ABTB2: variants seen among roughly 807,000 people sequenced by gnomAD.
ABTB2 encodes the protein ankyrin repeat and BTB/POZ domain-containing protein 2.
ABTB2 carries 56 observed loss-of-function variants against 104.1 expected under a neutral mutation model. The ratio of observed to expected loss-of-function variants is 0.54; its 90% CI spans 0.43 to 0.67. The LOEUF (loss-of-function observed/expected upper bound fraction) is 0.67, where lower values mean the gene tolerates loss of function less well. ABTB2 is among the 30% of genes least tolerant of loss of function. The pLI, the probability that ABTB2 is intolerant of heterozygous loss-of-function variation, is 0.00. For missense variants in ABTB2, 1,279 were observed against 1,407.7 expected (o/e 0.91, Z 1.46); for synonymous variants, 606 against 608.2 (o/e 1.00, Z 0.05).
intron 1 of ABTB2, among the ~76,000 whole-genome samples, chr11:34,256,185 C>G (rs1158182687): frequency 1.3e-5 from 2 of 152,034 alleles, no homozygotes; most frequent in Non-Finnish European, 2.9e-5. Context: ...CGGGGGGCAC[C>G]TAGAGACAAA....
At chr11:34,176,841 G>C (rs7950979) in intron 3 of ABTB2, among the ~76,000 whole-genome samples, 74,365 of 151,682 alleles carry the variant, frequency 0.49, 18,907 homozygotes, top group East Asian at 0.91. Context: ...GAGATTCTAT[G>C]GGGGGATCTT....
At chr11:34,302,389 TTCCTATC>T (rs1486929384) in intron 1 of ABTB2, among the ~76,000 whole-genome samples, 3 of 152,240 alleles carry the variant, frequency 2.0e-5, no homozygotes, top group Middle Eastern at 6.3e-3. Context: ...CTCTTACCTC[TTCCTATC>T]TGAAATCCAT....
intron 1 of ABTB2, among the ~76,000 whole-genome samples, chr11:34,346,635 C>T (rs1855335722): frequency 6.6e-6 from 1 of 152,160 alleles, no homozygotes; most frequent in Non-Finnish European, 1.5e-5. Context: ...AAAATGACTG[C>T]ACAGTGTCCA....
At chr11:34,294,868 C>T (rs1854602199) in intron 1 of ABTB2, among the ~76,000 whole-genome samples, 1 of 152,084 alleles carries the variant, frequency 6.6e-6, no homozygotes, top group African/African-American at 2.4e-5. Flanking sequence ...GTGCCCAAAC[C>T]ATGCCCGGCT....
At position 34,331,745 on chromosome 11, in the gene ABTB2, G is replaced by A. The variant is rs116711065; in HGVS notation, c.883+24956C>T. 1.5e-3 allele frequency among the ~76,000 whole-genome samples: 233 copies of A among 152,340 alleles called. 2 individuals are homozygous for A. Among genetic ancestry groups the A allele is most frequent in the African/African-American group, 5.4e-3 (224 of 41,584 alleles). On this transcript the variant is annotated intron_variant, in intron 1 of 16. Coordinates refer to ENST00000435224, the MANE Select transcript of ABTB2 (RefSeq NM_145804.3). ...GAAGTGATAATCTTTTGCAGAGCCA[G>A]AAGATCTATGTATTCAAGTTTACAT...
intron 1 of ABTB2, chr11:34,335,373 A>G: frequency 1.2e-6 from 1 of 866,218 alleles, no homozygotes; most frequent in Non-Finnish European, 2.0e-6. Flanking sequence ...AGTACAGCAA[A>G]TTTCCTTAGC....
At chr11:34,278,050 G>A (rs1236180324) in intron 1 of ABTB2, among the ~76,000 whole-genome samples, 5 of 151,742 alleles carry the variant, frequency 3.3e-5, no homozygotes, top group Admixed American at 1.3e-4. Context: ...TGATCTGCCC[G>A]CCTCGCCCTG....
intron 9 of ABTB2, 134 bp from the exon 10 acceptor site, chr11:34,162,939 C>G (rs946498655): frequency 3.1e-5 from 26 of 831,820 alleles, no homozygotes; most frequent in African/African-American, 2.9e-4. Flanking sequence ...CATGGTCTTC[C>G]TCCTCCAGGC....
At position 34,335,887 on chromosome 11, in the gene ABTB2, T is replaced by G; in HGVS notation, c.883+20814A>C. 3 of 841,818 alleles carry G rather than the reference T, an allele frequency of 3.6e-6. No individual in the cohort carries two copies. The South Asian group carries it at 4.6e-5, about 13-fold the overall frequency. The allele number at this position is 841,818 out of a possible 1,614,324, so 52.1% of individuals were successfully genotyped here. A position where few individuals can be genotyped will look rare whatever the true frequency, so the allele number is the denominator to read the frequency against. On this transcript the variant is annotated intron_variant, in intron 1 of 16. Transcript: ENST00000435224. ...AGGTAGAGCGGCCACATGAGACACC[T>G]AAACCTGACAATCCTGCGGTTGAAA...
At chr11:34,169,262 G>A (rs1016964508) in intron 5 of ABTB2, among the ~76,000 whole-genome samples, 24 of 152,146 alleles carry the variant, frequency 1.6e-4, no homozygotes, top group Admixed American at 3.9e-4. Flanking sequence ...CTGTCCCCAC[G>A]CACTCCAGAC....
intron 3 of ABTB2, among the ~76,000 whole-genome samples, chr11:34,183,028 G>T (rs1184831442): frequency 6.6e-6 from 1 of 152,136 alleles, no homozygotes; most frequent in Non-Finnish European, 1.5e-5. Context: ...TTCACCTGGT[G>T]CTGGCCCAAC....
chr11:34,296,521 A>G (rs1055017721), intron 1 of ABTB2, among the ~76,000 whole-genome samples: 2 of 152,220 alleles, frequency 1.3e-5, no homozygotes, highest in African/African-American at 2.4e-5. Flanking sequence ...GAAGTCAGAT[A>G]AAGGACAGGA....
At chr11:34,245,875 C>A (rs1419630076) in intron 1 of ABTB2, among the ~76,000 whole-genome samples, 1 of 152,224 alleles carries the variant, frequency 6.6e-6, no homozygotes, top group Non-Finnish European at 1.5e-5. Flanking sequence ...AGCCACTGTG[C>A]TGTTCTAGAC....
At chr11:34,351,818 G>A (rs1353948196) in intron 1 of ABTB2, among the ~76,000 whole-genome samples, 1 of 152,120 alleles carries the variant, frequency 6.6e-6, no homozygotes, top group Non-Finnish European at 1.5e-5. Context: ...CATCACAAAG[G>A]GGTGGCTCTT....
intron 1 of ABTB2, among the ~76,000 whole-genome samples, chr11:34,278,583 G>A (rs574476365): frequency 1.2e-4 from 18 of 152,194 alleles, no homozygotes; most frequent in South Asian, 4.2e-4. Flanking sequence ...CAATGTGCTG[G>A]CCTCCATTTT....
intron 5 of ABTB2, among the ~76,000 whole-genome samples, chr11:34,170,478 A>G (rs1223274675): frequency 2.6e-5 from 4 of 152,132 alleles, no homozygotes; most frequent in African/African-American, 9.7e-5. Context: ...TACATTTTAC[A>G]TGTCTGTGTT....
At chr11:34,294,674 C>A (rs776052105) in intron 1 of ABTB2, among the ~76,000 whole-genome samples, 2 of 151,962 alleles carry the variant, frequency 1.3e-5, no homozygotes, top group Non-Finnish European at 2.9e-5. Flanking sequence ...CAGTTTGAGA[C>A]CAGCCTGGGC....
At chr11:34,334,081 G>A (rs1287832058) in intron 1 of ABTB2, among the ~76,000 whole-genome samples, 1 of 150,878 alleles carries the variant, frequency 6.6e-6, no homozygotes, top group Non-Finnish European at 1.5e-5. Flanking sequence ...GAAACAGAAA[G>A]GTCTAAAATC....
intron 1 of ABTB2, among the ~76,000 whole-genome samples, chr11:34,236,402 C>A (rs930776092): frequency 6.6e-6 from 1 of 152,126 alleles, no homozygotes; most frequent in East Asian, 1.9e-4. Flanking sequence ...CTTTAATGTG[C>A]CTTTTAAGAC....
Sources: gnomAD v4.1 joint callset for allele counts (sites outside exome capture counted in the v4.1 genomes callset) on GRCh38, gnomAD v4.1.1 for gene constraint, MANE v1.5 for transcripts, NCBI Gene and HGNC (gene_info 2026-07-23, HGNC 2026-07-21) for gene names.